The following QARS1 variants were observed in gnomAD, a reference collection of about 807,000 sequenced individuals.
QARS1 encodes glutamine--tRNA ligase.
In QARS1, 79 loss-of-function variants were observed where a neutral mutation model predicts 106.9. The ratio of observed to expected loss-of-function variants is 0.74; its 90% CI spans 0.62 to 0.89. The LOEUF is 0.89. QARS1 is among the 40% of genes least tolerant of loss of function. QARS1 has a pLI of 0.00. For synonymous variants in QARS1, 395 were observed against 367.7 expected, an observed-to-expected ratio of 1.07 and a Z score of -0.85; for missense variants, 966 against 997.2, an observed-to-expected ratio of 0.97 and a Z score of 0.42.
rs755099989 is a variant in QARS1 at position 49,098,017 on chromosome 3, A to G, written c.2252T>C (p.Val751Ala). 2.5e-6 allele frequency: 4 copies of G among 1,614,090 alleles called. No homozygotes were observed. The South Asian group carries it at 4.4e-5, about 18-fold the overall frequency. ...CTTTCCCTGATGGCTGTCTGGATCC[A>G]CGGAGAAATATCCAAGACGCTCAAA... ...FQFERLGYFS[V>A]DPDSHQGKLV... Residue 751 changes from valine to alanine, a missense_variant, in exon 23 of 24, where the codon GTG (valine) becomes GCG (alanine). Coordinates refer to ENST00000306125, the MANE Select transcript of QARS1 (RefSeq NM_005051.3).
At chr3:49,100,494 C>T (rs764292652) in intron 11 of QARS1, 36 bp from the exon 12 acceptor site, 1 of 1,608,916 alleles carries the variant, frequency 6.2e-7, no homozygotes. Context: ...AGCAGCCAGC[C>T]ACAAACACCC....
Position 49,100,384 on chromosome 3 carries a change from G to A in QARS1, c.1051C>T (p.Arg351Cys), listed in dbSNP as rs763901654. ...QLYAWAVELI[R>C]RGLAYVCHQR... ...ACGTCATGGCCCTGGCCTTACCTGC[G>A]GATGAGCTCCACAGCCCACGCATAT... The change falls in exon 12 of 24, where the codon CGC becomes TGC. Residue 351 changes from arginine (R) to cysteine (C), a missense_variant. Physicochemically the swap from Arg to Cys is radical, Grantham distance 180. Transcript: ENST00000306125. The A allele has an allele frequency of 6.4e-5, 103 of 1,614,112 alleles. No individual in the cohort carries two copies. The Admixed American group carries it at 1.4e-3, about 22-fold the overall frequency.
chr3:49,099,741 C>A lies in QARS1; in HGVS notation c.1388+20G>T, dbSNP rs374667717. ...TGGAATTCCACTGGCCCTACCACCC[C>A]ATGGACCCAGCTCCCTCACCGGGCC... On this transcript the variant is annotated intron_variant, in intron 15 of 23. Transcript: ENST00000306125. 1.2e-6 allele frequency: 2 copies of A among 1,613,718 alleles called. 1 individual carries two copies. The highest frequency in any genetic ancestry group is 2.7e-5 in the African/African-American group (2 of 74,904).
chr3:49,100,387 T>C lies in QARS1; in HGVS notation c.1048A>G (p.Ile350Val), dbSNP rs2042453628. 2 of 1,614,142 alleles carry C rather than the reference T, an allele frequency of 1.2e-6. No individual in the cohort carries two copies. The highest frequency in any genetic ancestry group is 1.7e-6 in the Non-Finnish European group (2 of 1,180,044). The change falls in exon 12 of 24, where the codon ATC (isoleucine) becomes GTC (valine). Residue 350 changes from isoleucine to valine, a missense_variant. Coordinates refer to ENST00000306125, the MANE Select transcript of QARS1 (RefSeq NM_005051.3). ...DQLYAWAVELIRRGLAYVCHQ... is the reference protein window; with the variant it reads ...DQLYAWAVELVRRGLAYVCHQ... ...TCATGGCCCTGGCCTTACCTGCGGA[T>C]GAGCTCCACAGCCCACGCATATAGC... is the stretch of plus-strand genomic sequence containing the variant.
At position 49,101,535 on chromosome 3, in the gene QARS1, G is replaced by A. The variant is rs2042471081; in HGVS notation, c.789+85C>T. On this transcript the variant is annotated intron_variant, in intron 9 of 23. Transcript: ENST00000306125. ...CCCTCCCAGGAAGGCCATGGTGATGGGTGAGATGGGGCAGTATGGACGCAG... is the reference window on the plus strand; with the variant it reads ...CCCTCCCAGGAAGGCCATGGTGATGAGTGAGATGGGGCAGTATGGACGCAG... 1.1e-5 allele frequency: 18 copies of A among 1,571,084 alleles called. No homozygotes were observed. In the South Asian group the frequency reaches 1.8e-4, roughly 16 times the overall value.
intron 7 of QARS1, 109 bp from the exon 8 acceptor site, chr3:49,102,008 A>T: frequency 1.5e-6 from 2 of 1,349,260 alleles, no homozygotes; most frequent in Non-Finnish European, 2.0e-6. Context: ...GAGACAAGAT[A>T]TCTAGAGCCA....
rs530494890 is a variant in QARS1 at position 49,103,687 on chromosome 3, C to G, written c.395G>C (p.Arg132Thr). 212 of 1,613,670 alleles carry G rather than the reference C, an allele frequency of 1.3e-4. No individual in the cohort carries two copies. The Admixed American group carries it at 3.5e-3, about 27-fold the overall frequency. Reference sequence around the variant, plus strand: ...TTCCACCAGGAGCTGGGGCCGGTGCCTGTTAATAGCAGCCTCCACCTGCAG... The same window carrying G: ...TTCCACCAGGAGCTGGGGCCGGTGCGTGTTAATAGCAGCCTCCACCTGCAG... ...IEEAVEAAINRHRPQLLVERY... is the reference protein window; with the variant it reads ...IEEAVEAAINTHRPQLLVERY... The change falls in exon 4 of 24, where the codon AGG becomes ACG. Residue 132 changes from arginine to threonine, a missense_variant. Transcript: ENST00000306125.
At chr3:49,100,702 C>G (rs750792918) in intron 10 of QARS1, 28 bp from the exon 11 acceptor site, 1 of 1,462,018 alleles carries the variant, frequency 6.8e-7, no homozygotes, top group African/African-American at 1.4e-5. Flanking sequence ...TCTGTGAACT[C>G]CCACATCATC....
Position 49,099,271 on chromosome 3 carries a change from C to T in QARS1, c.1615-18G>A. 6.2e-7 allele frequency: 1 copy of T among 1,614,190 alleles called. No homozygotes were observed. The highest frequency in any genetic ancestry group is 8.5e-7 in the Non-Finnish European group (1 of 1,180,018). On this transcript the variant is annotated intron_variant, in intron 17 of 23. Transcript: ENST00000306125. ...ACTCCCACCTGGCAGGAAAGTTCAG[C>T]ATCAGTCACAGCTACAATCACAAAC... is the stretch of plus-strand genomic sequence containing the variant.
intron 7 of QARS1, 81 bp downstream of exon 7, chr3:49,102,124 T>G: frequency 6.4e-7 from 1 of 1,565,316 alleles, no homozygotes; most frequent in Non-Finnish European, 8.8e-7. Context: ...GCCAAGGGCC[T>G]GAGGAGCCTG....
chr3:49,100,272 C>T lies in QARS1; in HGVS notation c.1082G>A (p.Arg361Gln), dbSNP rs766590522. ...RRGLAYVCHQRGEELKGHNTL... is the reference protein window; with the variant it reads ...RRGLAYVCHQQGEELKGHNTL... ...ATTATGGCCTTTGAGCTCCTCTCCT[C>T]GCTGGTGGCACACATAAGCCAGACC... Residue 361 changes from arginine (R) to glutamine (Q), a missense_variant, in exon 13 of 24, where the codon CGA becomes CAA. By Grantham distance (43) the Arg-to-Gln change is conservative (BLOSUM62 1). Coordinates refer to ENST00000306125, the MANE Select transcript of QARS1 (RefSeq NM_005051.3). The T allele has an allele frequency of 5.0e-6, 8 of 1,614,140 alleles. No homozygotes were observed. The African/African-American group carries it at 6.7e-5, about 13-fold the overall frequency.
rs1217013234 is a variant in QARS1 at position 49,098,457 on chromosome 3, ACT to A, written c.1978_1979del (p.Leu661GlyfsTer27). ...VVKGPSGCVE[S>X]LEVTCRRADA... ...CTGCCCGTCTGCAGGTCACCTCCAGACTCTCTACACAACCACTGGGGCCCTGG... is the reference window on the plus strand; with the variant it reads ...CTGCCCGTCTGCAGGTCACCTCCAGACTCTACACAACCACTGGGGCCCTGG... On this transcript the variant is annotated frameshift_variant, in exon 21 of 24. Coordinates refer to ENST00000306125, the MANE Select transcript of QARS1 (RefSeq NM_005051.3). LOFTEE classifies it high-confidence loss of function. The A allele has an allele frequency of 2.5e-6, 4 of 1,613,564 alleles. No homozygotes were observed. The highest frequency in any genetic ancestry group is 1.7e-5 in the Admixed American group (1 of 59,962).
intron 4 of QARS1, 64 bp from the exon 5 acceptor site, chr3:49,103,473 C>A (rs1575403611): frequency 6.3e-7 from 1 of 1,597,156 alleles, no homozygotes; most frequent in South Asian, 1.1e-5. Flanking sequence ...ACCTCTTTCC[C>A]AAGGAAAGGT....
intron 3 of QARS1, 75 bp downstream of exon 3, chr3:49,103,788 C>CT: frequency 6.3e-7 from 1 of 1,595,180 alleles, no homozygotes; most frequent in Non-Finnish European, 8.6e-7. Context: ...CTGGGTCTTC[C>CT]TGAGGAGGGA....
Position 49,104,598 on chromosome 3 carries a change from G to C in QARS1, c.117+19C>G. The C allele has an allele frequency of 1.9e-6, 3 of 1,597,368 alleles. No homozygotes were observed. The highest frequency in any genetic ancestry group is 2.3e-5 in the East Asian group (1 of 44,442). On this transcript the variant is annotated intron_variant, in intron 1 of 23. Coordinates refer to ENST00000306125, the MANE Select transcript of QARS1 (RefSeq NM_005051.3). ...GCAGCATGGTCTGCAAACCAGGCCGGGGGCAGAGGGGCTCGCACCTGAGTA... is the reference window on the plus strand; with the variant it reads ...GCAGCATGGTCTGCAAACCAGGCCGCGGGCAGAGGGGCTCGCACCTGAGTA...
At chr3:49,098,331 C>T in intron 21 of QARS1, 22 bp downstream of exon 21, 1 of 1,614,216 alleles carries the variant, frequency 6.2e-7, no homozygotes, top group Non-Finnish European at 8.5e-7. Context: ...TACCTGCCCC[C>T]ACCCCAGCTC....
At position 49,099,742 on chromosome 3, in the gene QARS1, A is replaced by G; in HGVS notation, c.1388+19T>C. 4 of 1,613,826 alleles carry G rather than the reference A, an allele frequency of 2.5e-6. No individual in the cohort carries two copies. In the South Asian group the frequency reaches 3.3e-5, roughly 13 times the overall value. The stretch of plus-strand genomic sequence containing the variant: ...GGAATTCCACTGGCCCTACCACCCC[A>G]TGGACCCAGCTCCCTCACCGGGCCT... On this transcript the variant is annotated intron_variant, in intron 15 of 23. Coordinates refer to ENST00000306125, the MANE Select transcript of QARS1 (RefSeq NM_005051.3).
Position 49,104,687 on chromosome 3 carries a change from C to G in QARS1, c.47G>C (p.Ser16Thr), listed in dbSNP as rs2042517409. The G allele has an allele frequency of 6.2e-7, 1 of 1,611,492 alleles. No homozygotes were observed. Among genetic ancestry groups the G allele is most frequent in the Non-Finnish European group, 8.5e-7 (1 of 1,178,432 alleles). The change falls in exon 1 of 24, where the codon AGC (serine) becomes ACC (threonine). Residue 16 changes from serine to threonine, a missense_variant. Transcript: ENST00000306125. ...SLSLFTSLGL[S>T]EQKARETLKN... ...GAGCGTCTCGCGGGCCTTCTGCTCG[C>G]TCAGGCCGAGGCTAGTGAAGAGCGA...
In QARS1 at chr3:49,099,270, G is replaced by C. The variant is rs138271247; in HGVS notation, c.1615-17C>G. The C allele has an allele frequency of 1.2e-3, 1,888 of 1,614,160 alleles. 21 individuals are homozygous for C. The African/African-American group carries it at 0.022, about 19-fold the overall frequency. On this transcript the variant is annotated splice_polypyrimidine_tract_variant and intron_variant, in intron 17 of 23. Transcript: ENST00000306125. ...CACTCCCACCTGGCAGGAAAGTTCAGCATCAGTCACAGCTACAATCACAAA... is the reference window on the plus strand; with the variant it reads ...CACTCCCACCTGGCAGGAAAGTTCACCATCAGTCACAGCTACAATCACAAA...
Sources: gnomAD v4.1 joint callset for allele counts on GRCh38, gnomAD v4.1.1 for gene constraint, MANE v1.5 for transcripts, NCBI Gene and HGNC (gene_info 2026-07-23, HGNC 2026-07-21) for gene names.